MSTN: variants seen among roughly 807,000 people sequenced by gnomAD.
MSTN encodes the protein myostatin.
A neutral mutation model predicts 32.3 loss-of-function variants in MSTN; 12 were observed. The ratio of observed to expected loss-of-function variants is 0.37; its 90% CI spans 0.24 to 0.60. MSTN has a LOEUF of 0.60. MSTN is among the 20% of genes least tolerant of loss of function. MSTN has a pLI of 0.67. For synonymous variants in MSTN, 168 were observed against 155.1 expected, an observed-to-expected ratio of 1.08 and a Z score of -0.62; for missense variants, 403 against 450.3, an observed-to-expected ratio of 0.89 and a Z score of 0.95.
Position 190,062,398 on chromosome 2 carries a change from C to G in MSTN, c.199G>C (p.Glu67Gln), listed in dbSNP as rs762279211. The G allele has an allele frequency of 6.2e-7, 1 of 1,613,324 alleles. No homozygotes were observed. The highest frequency in any genetic ancestry group is 2.2e-5 in the East Asian group (1 of 44,876). ...TCTTTGCTGATGTTAGGAGCTGTTT[C>G]CAGACGAAGTTTACTGAGGATTTGT... ...KIQILSKLRL[E>Q]TAPNISKDVI... The change falls in exon 1 of 3, where the codon GAA becomes CAA. Residue 67 changes from glutamate to glutamine, a missense_variant. Coordinates refer to ENST00000260950, the MANE Select transcript of MSTN (RefSeq NM_005259.3).
intron 2 of MSTN, 98 bp downstream of exon 2, chr2:190,059,964 T>G: frequency 4.6e-6 from 6 of 1,310,420 alleles, no homozygotes; most frequent in Non-Finnish European, 6.4e-6. Context: ...GTCTAGCTTA[T>G]GAGCTTAGGG....
chr2:190,060,403 TG>T lies in MSTN; in HGVS notation c.405del (p.Lys136AsnfsTer16), dbSNP rs758626586. On this transcript the variant is annotated frameshift_variant, in exon 2 of 3. Transcript: ENST00000260950. LOFTEE classifies it high-confidence loss of function. ...GAGCTAAATTTAAAGAAGCAACATT[TG>T]GGTTTTCCATCCACTTGCATTAGAA... Reference protein sequence around the residue: ...SDFLMQVDGKPKCCFFKFSSK... With the variant: ...SDFLMQVDGKXKCCFFKFSSK... 1 of 1,610,798 alleles carries T rather than the reference TG, an allele frequency of 6.2e-7. No individual in the cohort carries two copies. The highest frequency in any genetic ancestry group is 8.5e-7 in the Non-Finnish European group (1 of 1,178,618).
intron 2 of MSTN, 71 bp from the exon 3 acceptor site, chr2:190,057,709 G>A: frequency 6.6e-7 from 1 of 1,520,352 alleles, no homozygotes; most frequent in Non-Finnish European, 9.1e-7. Flanking sequence ...ACCTTAAGAA[G>A]TTATTGTTGA....
chr2:190,060,512 ATT>A, intron 1 of MSTN, 77 bp from the exon 2 acceptor site: 1 of 1,316,760 alleles, frequency 7.6e-7, no homozygotes. Flanking sequence ...ATAGTTGAGC[ATT>A]TTTTTAAATT....
At position 190,057,460 on chromosome 2, in the gene MSTN, C is replaced by G; in HGVS notation, c.926G>C (p.Cys309Ser). Residue 309 changes from cysteine (C) to serine (S), a missense_variant, in exon 3 of 3, where the codon TGC becomes TCC. By Grantham distance (112) the Cys-to-Ser change is moderately radical. Coordinates refer to ENST00000260950, the MANE Select transcript of MSTN (RefSeq NM_005259.3). ...AAATACAAATTCACACTCTCCAGAG[C>G]AGTAATTGGCCTTATATCTTTTAGG... ...IAPKRYKANY[C>S]SGECEFVFLQ... The G allele has an allele frequency of 5.0e-6, 8 of 1,613,498 alleles. No homozygotes were observed. The highest frequency in any genetic ancestry group is 6.8e-6 in the Non-Finnish European group (8 of 1,179,574).
intron 2 of MSTN, among the ~76,000 whole-genome samples, chr2:190,057,864 A>G (rs999774711): frequency 7.2e-5 from 11 of 152,040 alleles, no homozygotes; most frequent in Non-Finnish European, 1.5e-4. Context: ...GGTCAGTACC[A>G]TGTCTTTTTA....
chr2:190,057,241 A>G lies in MSTN; in HGVS notation c.*17T>C, dbSNP rs1351108399. ...ACCTTCCATGTTTTAGGAAGTTATG[A>G]ACGCTTAATATAAATCTCATGAGCA... On this transcript the variant is annotated 3_prime_UTR_variant, in exon 3 of 3. Transcript: ENST00000260950. 1.2e-6 allele frequency: 2 copies of G among 1,612,792 alleles called. No homozygotes were observed. Among genetic ancestry groups the G allele is most frequent in the South Asian group, 2.2e-5 (2 of 91,010 alleles).
chr2:190,057,293 G>T lies in MSTN; in HGVS notation c.1093C>A (p.Pro365Thr), dbSNP rs762101359. The T allele has an allele frequency of 6.2e-6, 10 of 1,613,234 alleles. No individual in the cohort carries two copies. The highest frequency in any genetic ancestry group is 5.1e-6 in the Non-Finnish European group (6 of 1,179,486). The change falls in exon 3 of 3, where the codon CCA becomes ACA. Residue 365 changes from proline (P) to threonine (T), a missense_variant. Physicochemically the swap from Pro to Thr is conservative, Grantham distance 38 (BLOSUM62 -1). Coordinates refer to ENST00000260950, the MANE Select transcript of MSTN (RefSeq NM_005259.3). ...CCACAGCGGTCTACTACCATCGCTGGAATTTTCCCATATATTATTTGTTCT... is the reference window on the plus strand; with the variant it reads ...CCACAGCGGTCTACTACCATCGCTGTAATTTTCCCATATATTATTTGTTCT... Reference protein sequence around the residue: ...GKEQIIYGKIPAMVVDRCGCS With the variant: ...GKEQIIYGKITAMVVDRCGCS
chr2:190,062,329 G>T lies in MSTN; in HGVS notation c.268C>A (p.Leu90Met). 1 of 1,613,370 alleles carries T rather than the reference G, an allele frequency of 6.2e-7. No homozygotes were observed. Among genetic ancestry groups the T allele is most frequent in the Non-Finnish European group, 8.5e-7 (1 of 1,179,546 alleles). ...CTCTGGACATCATACTGATCAATCA[G>T]TTCCCGGAGTGGAGGAGCTTTGGGT... ...LLPKAPPLRE[L>M]IDQYDVQRDD... The change falls in exon 1 of 3, where the codon CTG (leucine) becomes ATG (methionine). Residue 90 changes from leucine to methionine, a missense_variant. Physicochemically the swap from Leu to Met is conservative, Grantham distance 15. Transcript: ENST00000260950.
intron 2 of MSTN, 73 bp from the exon 3 acceptor site, chr2:190,057,711 TA>T: frequency 1.3e-6 from 2 of 1,514,930 alleles, no homozygotes; most frequent in Non-Finnish European, 1.8e-6. Flanking sequence ...CTTAAGAAGT[TA>T]TTGTTGAAGT....
chr2:190,058,246 G>A (rs1260730719), intron 2 of MSTN, among the ~76,000 whole-genome samples: 2 of 151,896 alleles, frequency 1.3e-5, no homozygotes, highest in East Asian at 1.9e-4. Context: ...TTCTGTCTCT[G>A]CCCCAATCTT....
Position 190,062,243 on chromosome 2 carries a change from G to A in MSTN, c.354C>T (p.Ile118=). The A allele has an allele frequency of 6.2e-7, 1 of 1,612,988 alleles. No individual in the cohort carries two copies. The highest frequency in any genetic ancestry group is 8.5e-7 in the Non-Finnish European group (1 of 1,179,186). The change falls in exon 1 of 3, where the codon ATC becomes ATT. Residue 118 remains isoleucine, a synonymous_variant. Coordinates refer to ENST00000260950, the MANE Select transcript of MSTN (RefSeq NM_005259.3). ...ACTTACACTCTGTAGGCATGGTAAT[G>A]ATTGTTTCCGTTGTAGCGTGATAAT... The part of the protein sequence containing the change: ...DDDYHATTET[I]ITMPTESDFL...
At position 190,060,054 on chromosome 2, in the gene MSTN, T is replaced by C. The variant is rs185201680; in HGVS notation, c.747+8A>G. Reference sequence around the variant, plus strand: ...GTTATTATAATGTTATTTTCAGTTATCACTTACCAGCCCATCTTCTCCTGG... The same window carrying C: ...GTTATTATAATGTTATTTTCAGTTACCACTTACCAGCCCATCTTCTCCTGG... On this transcript the variant is annotated splice_region_variant and intron_variant, in intron 2 of 2. Transcript: ENST00000260950. 2.2e-4 allele frequency: 350 copies of C among 1,610,756 alleles called. 3 individuals are homozygous for C. In the East Asian group the frequency reaches 7.5e-3, roughly 35 times the overall value.
At position 190,062,669 on chromosome 2, in the gene MSTN, T is replaced by C. The variant is rs1685632294; in HGVS notation, c.-73A>G. 6 of 1,479,972 alleles carry C rather than the reference T, an allele frequency of 4.1e-6. No homozygotes were observed. Among genetic ancestry groups the C allele is most frequent in the African/African-American group, 2.8e-5 (2 of 71,102 alleles). The allele number at this position is 1,479,972 out of a possible 1,614,324, so 91.7% of individuals were successfully genotyped here. On this transcript the variant is annotated 5_prime_UTR_variant, in exon 1 of 3. Transcript: ENST00000260950. ...TTACTTTTCTTTTGCTTTTGAGTAA[T>C]GCCAAGCAAAATTTTAATGCATGTA... is the stretch of plus-strand genomic sequence containing the variant.
chr2:190,062,542 C>G lies in MSTN; in HGVS notation c.55G>C (p.Gly19Arg), dbSNP rs1201999957. The stretch of plus-strand genomic sequence containing the variant: ...CTGTTCTCATTTAGATCCACTGGAC[C>G]AGCAACAATCAGCATAAACAGGTAA... The part of the protein sequence containing the change: ...YIYLFMLIVA[G>R]PVDLNENSEQ... The change falls in exon 1 of 3, where the codon GGT becomes CGT. Residue 19 changes from glycine (G) to arginine (R), a missense_variant. Coordinates refer to ENST00000260950, the MANE Select transcript of MSTN (RefSeq NM_005259.3). 1 of 1,613,196 alleles carries G rather than the reference C, an allele frequency of 6.2e-7. No individual in the cohort carries two copies. Among genetic ancestry groups the G allele is most frequent in the African/African-American group, 1.3e-5 (1 of 74,958 alleles).
At chr2:190,059,546 A>G (rs1179347133) in intron 2 of MSTN, among the ~76,000 whole-genome samples, 1 of 151,990 alleles carries the variant, frequency 6.6e-6, no homozygotes, top group African/African-American at 2.4e-5. Flanking sequence ...AACCTTAAAT[A>G]TATTTAATAA....
In MSTN at chr2:190,061,325, G is replaced by T. The variant is rs1039610422; in HGVS notation, c.374-890C>A. On this transcript the variant is annotated intron_variant, in intron 1 of 2. Coordinates refer to ENST00000260950, the MANE Select transcript of MSTN (RefSeq NM_005259.3). ...CTTGCCATGCCTTCTCTGTCAAGGTGCCTGTTTCTCTTTCCTGGAGAAAGT... is the reference window on the plus strand; with the variant it reads ...CTTGCCATGCCTTCTCTGTCAAGGTTCCTGTTTCTCTTTCCTGGAGAAAGT... Among the ~76,000 whole-genome samples the T allele has an allele frequency of 7.9e-5, 12 of 152,018 alleles. 2 individuals carry two copies. Among genetic ancestry groups the T allele is most frequent in the Admixed American group, 7.9e-4 (12 of 15,224 alleles).
At chr2:190,058,022 C>G (rs746570261) in intron 2 of MSTN, among the ~76,000 whole-genome samples, 25 of 152,048 alleles carry the variant, frequency 1.6e-4, no homozygotes, top group Non-Finnish European at 2.9e-4. Context: ...TAACAGCTCC[C>G]TCTCTTCTTG....
rs186458339 is a variant in MSTN at position 190,056,561 on chromosome 2, A to G, written c.*697T>C. On this transcript the variant is annotated 3_prime_UTR_variant, in exon 3 of 3. Transcript: ENST00000260950. ...CCTCTAGAAAAATGATTCTTCTTAC[A>G]TTAAAGAAAATCCATTCCTCATTTG... 1.3e-5 allele frequency: 2 copies of G among 152,682 alleles called. No homozygotes were observed. The highest frequency in any genetic ancestry group is 1.3e-4 in the Admixed American group (2 of 15,288). 9.5% of individuals were successfully genotyped at this position (152,682 alleles called of 1,614,324 possible). A position where few individuals can be genotyped will look rare whatever the true frequency, so the allele number is the denominator to read the frequency against.
Sources: allele counts gnomAD v4.1 joint callset (sites outside exome capture counted in the v4.1 genomes callset), GRCh38; gene constraint gnomAD v4.1.1; transcripts MANE v1.5; gene names NCBI Gene and HGNC (gene_info 2026-07-23, HGNC 2026-07-21).